Variants in CREB3L2 observed in about 807,000 individuals in gnomAD.
CREB3L2 encodes the protein cAMP responsive element binding protein 3 like 2.
A neutral mutation model predicts 57.2 loss-of-function variants in CREB3L2; 23 were observed. The observed-to-expected ratio is 0.40, with a 90% CI of 0.29 to 0.57. The LOEUF (loss-of-function observed/expected upper bound fraction) is 0.57. Ranked by LOEUF, CREB3L2 falls within the 20% of genes least tolerant of loss-of-function variation. CREB3L2 has a pLI of 0.42. For missense variants in CREB3L2, 628 were observed against 634.7 expected, an observed-to-expected ratio of 0.99 and a Z score of 0.11; for synonymous variants, 268 against 265.1, an observed-to-expected ratio of 1.01 and a Z score of -0.11.
intron 1 of CREB3L2, among the ~76,000 whole-genome samples, chr7:137,994,055 C>T (rs1325600133): frequency 6.6e-6 from 1 of 152,214 alleles, no homozygotes; most frequent in Non-Finnish European, 1.5e-5. Context: ...CAAGGTTGAT[C>T]CAGAGACAGT....
chr7:137,885,138 G>A lies in CREB3L2; in HGVS notation c.1144-17C>T, dbSNP rs746387878. On this transcript the variant is annotated splice_polypyrimidine_tract_variant and intron_variant, in intron 9 of 11. Transcript: ENST00000330387. Reference sequence around the variant, plus strand: ...CACCACAACCTGTGGGAGAGAAAGAGGGGAGAGAGAACACGAGGGGCTGTG... The same window carrying A: ...CACCACAACCTGTGGGAGAGAAAGAAGGGAGAGAGAACACGAGGGGCTGTG... 11 of 1,613,400 alleles carry A rather than the reference G, an allele frequency of 6.8e-6. No homozygotes were observed. The highest frequency in any genetic ancestry group is 1.7e-5 in the Admixed American group (1 of 59,978).
intron 1 of CREB3L2, among the ~76,000 whole-genome samples, chr7:137,981,790 T>A (rs1342792789): frequency 6.6e-6 from 1 of 152,234 alleles, no homozygotes; most frequent in African/African-American, 2.4e-5. Context: ...GTTTATGATG[T>A]AAGACAGCCA....
At chr7:137,940,273 G>A (rs1019448223) in intron 1 of CREB3L2, among the ~76,000 whole-genome samples, 1 of 152,118 alleles carries the variant, frequency 6.6e-6, no homozygotes, top group Non-Finnish European at 1.5e-5. Flanking sequence ...CTCACCAGGG[G>A]ACACCCAGGA....
chr7:137,969,897 A>T (rs1030887243), intron 1 of CREB3L2, among the ~76,000 whole-genome samples: 7 of 152,204 alleles, frequency 4.6e-5, no homozygotes, highest in Admixed American at 3.3e-4. Flanking sequence ...TATTATTTTT[A>T]CAACCTTTCT....
At chr7:137,998,615 C>T (rs1357562485) in intron 1 of CREB3L2, among the ~76,000 whole-genome samples, 2 of 152,202 alleles carry the variant, frequency 1.3e-5, no homozygotes, top group Non-Finnish European at 1.5e-5. Context: ...GTGGCTTAAA[C>T]TCACGAAGCC....
At chr7:137,933,241 A>G (rs1256101895) in intron 1 of CREB3L2, among the ~76,000 whole-genome samples, 1 of 152,184 alleles carries the variant, frequency 6.6e-6, no homozygotes. Flanking sequence ...CAAGAGGTAA[A>G]CCCACAGTCC....
At chr7:137,897,877 A>G (rs1266112292) in intron 8 of CREB3L2, among the ~76,000 whole-genome samples, 2 of 152,182 alleles carry the variant, frequency 1.3e-5, no homozygotes, top group African/African-American at 4.8e-5. Flanking sequence ...TTATGTATGC[A>G]TCTTCCTTAA....
intron 4 of CREB3L2, 141 bp from the exon 5 acceptor site, chr7:137,908,577 G>A (rs1239769840): frequency 4.2e-6 from 2 of 480,482 alleles, no homozygotes; most frequent in Non-Finnish European, 6.7e-6. Flanking sequence ...GTGGATATGG[G>A]AGTCCTCCTT....
Position 137,904,838 on chromosome 7 carries a change from GA to G in CREB3L2, c.916-822del, listed in dbSNP as rs58779744. ...TGGGTGACAGAGTGAGACTCTGTATGAAAAAAAAAAAAAAGAAAGAAAGAAA... is the reference window on the plus strand; with the variant it reads ...TGGGTGACAGAGTGAGACTCTGTATGAAAAAAAAAAAAAGAAAGAAAGAAA... On this transcript the variant is annotated intron_variant, in intron 6 of 11. Coordinates refer to ENST00000330387, the MANE Select transcript of CREB3L2 (RefSeq NM_194071.4). 7.4e-3 allele frequency among the ~76,000 whole-genome samples: 1,008 copies of G among 136,926 alleles called. 4 individuals carry two copies. The highest frequency in any genetic ancestry group is 0.021 in the African/African-American group (775 of 37,530). The allele number at this position is 136,926 out of a possible 152,430, so 89.8% of individuals were successfully genotyped here. A position where few individuals can be genotyped will look rare whatever the true frequency, so the allele number is the denominator to read the frequency against.
intron 1 of CREB3L2, chr7:137,953,325 C>A: frequency 2.3e-6 from 1 of 427,870 alleles, no homozygotes; most frequent in Non-Finnish European, 4.4e-6. Flanking sequence ...TGATTAACTG[C>A]TACTCCACAT....
rs1387946911 is a variant in CREB3L2, at chr7:137,875,264, A to G, written c.*5212T>C. The G allele has an allele frequency of 4.5e-6, 1 of 219,854 alleles. No individual in the cohort carries two copies. Among genetic ancestry groups the G allele is most frequent in the East Asian group, 6.7e-5 (1 of 14,898 alleles). 13.6% of individuals were successfully genotyped at this position (219,854 alleles called of 1,614,324 possible). On this transcript the variant is annotated 3_prime_UTR_variant, in exon 12 of 12. Coordinates refer to ENST00000330387, the MANE Select transcript of CREB3L2 (RefSeq NM_194071.4). The stretch of plus-strand genomic sequence containing the variant: ...GCATAGACATTAAAGCTCACCGTTG[A>G]TTATAGCTCAGGGCCTGCTCAGCAT...
chr7:137,969,761 AACAC>A (rs66931280), intron 1 of CREB3L2, among the ~76,000 whole-genome samples: 13,863 of 103,564 alleles, frequency 0.13, 717 homozygotes, highest in Non-Finnish European at 0.17. Flanking sequence ...AGGGTCATCA[AACAC>A]ACACACACAC....
rs181852779 is a variant in CREB3L2, at chr7:137,941,982, A to G, written c.103-13616T>C. On this transcript the variant is annotated intron_variant, in intron 1 of 11. Coordinates refer to ENST00000330387, the MANE Select transcript of CREB3L2 (RefSeq NM_194071.4). ...ATTCTAGTTTTCCCATTTGCTTACC[A>G]GGGGGCTCATTTTCAGTTCATCAAT... Among the ~76,000 whole-genome samples, 57 of 152,246 alleles carry G rather than the reference A, an allele frequency of 3.7e-4. 1 individual carries two copies. Among genetic ancestry groups the G allele is most frequent in the South Asian group, 6.2e-4 (3 of 4,822 alleles).
At chr7:137,947,278 T>C (rs1316062754) in intron 1 of CREB3L2, among the ~76,000 whole-genome samples, 1 of 151,910 alleles carries the variant, frequency 6.6e-6, no homozygotes, top group Non-Finnish European at 1.5e-5. Context: ...TATTTTGTTA[T>C]GGCAGCCACA....
intron 1 of CREB3L2, among the ~76,000 whole-genome samples, chr7:137,985,475 C>T (rs1801777706): frequency 6.6e-6 from 1 of 152,184 alleles, no homozygotes; most frequent in African/African-American, 2.4e-5. Context: ...TTCAGCTTGT[C>T]CCTGACACTG....
At chr7:137,979,616 C>T (rs1230579992) in intron 1 of CREB3L2, among the ~76,000 whole-genome samples, 1 of 152,126 alleles carries the variant, frequency 6.6e-6, no homozygotes, top group Non-Finnish European at 1.5e-5. Context: ...GTCCCAGCTA[C>T]TCGGGAGGCT....
chr7:137,927,312 G>C (rs6950782), intron 2 of CREB3L2, among the ~76,000 whole-genome samples: 1 of 138,776 alleles, frequency 7.2e-6, no homozygotes, highest in Non-Finnish European at 1.6e-5. Context: ...GAGGGGAAGG[G>C]AGGCAGGGAG....
intron 2 of CREB3L2, among the ~76,000 whole-genome samples, chr7:137,920,964 C>A (rs531658438): frequency 6.6e-6 from 1 of 152,194 alleles, no homozygotes; most frequent in Non-Finnish European, 1.5e-5. Context: ...GGAGAAGGAG[C>A]AGAATATGTA....
rs959538173 is a variant in CREB3L2, at chr7:137,876,114, C to T, written c.*4362G>A. On this transcript the variant is annotated 3_prime_UTR_variant, in exon 12 of 12. Transcript: ENST00000330387. ...TGGGATTTTCCTAATGGACGTAACC[C>T]TATTTCTTTTCTCCTGATGTGCAAA... is the stretch of plus-strand genomic sequence containing the variant. The T allele has an allele frequency of 8.6e-6, 2 of 232,250 alleles. No homozygotes were observed. Among genetic ancestry groups the T allele is most frequent in the African/African-American group, 4.4e-5 (2 of 45,220 alleles). The allele number at this position is 232,250 out of a possible 1,614,324, so 14.4% of individuals were successfully genotyped here. A position where few individuals can be genotyped will look rare whatever the true frequency, so the allele number is the denominator to read the frequency against.
Sources: allele counts gnomAD v4.1 joint callset (sites outside exome capture counted in the v4.1 genomes callset), GRCh38; gene constraint gnomAD v4.1.1; transcripts MANE v1.5; gene names NCBI Gene and HGNC (gene_info 2026-07-23, HGNC 2026-07-21).